Variants in PPEF2 observed in about 807,000 individuals in gnomAD.
PPEF2 encodes protein phosphatase with EF-hand domain 2.
PPEF2 carries 84 observed loss-of-function variants against 84.7 expected under a neutral mutation model. The ratio of observed to expected loss-of-function variants is 0.99; its 90% CI spans 0.83 to 1.19. PPEF2 has a LOEUF of 1.19. Among genes scored for constraint, PPEF2 ranks in the 50% most tolerant of loss-of-function variants. The pLI is 0.00. For synonymous variants in PPEF2, 346 were observed against 345.2 expected, an observed-to-expected ratio of 1.00 and a Z score of -0.03; for missense variants, 924 against 937.5, an observed-to-expected ratio of 0.99 and a Z score of 0.19.
At position 75,872,108 on chromosome 4, in the gene PPEF2, A is replaced by G; in HGVS notation, c.1566T>C (p.Tyr522=). The change falls in exon 13 of 17, where the codon TAT becomes TAC. Residue 522 remains tyrosine, a synonymous_variant. Transcript: ENST00000286719. ...GGGTCAGGGCTGGCCCCAGTTTGAC[A>G]TAGGCCCCTCTGTTGCTGCCAACTT... ...YYEVGSNRGA[Y]VKLGPALTPH... The G allele has an allele frequency of 6.2e-7, 1 of 1,613,866 alleles. No individual in the cohort carries two copies. Among genetic ancestry groups the G allele is most frequent in the Non-Finnish European group, 8.5e-7 (1 of 1,179,808 alleles).
rs1724892963 is a variant in PPEF2, at chr4:75,891,841, C to T, written c.183+10G>A. On this transcript the variant is annotated intron_variant, in intron 3 of 16. Transcript: ENST00000286719. ...AGCAGGAGGCGGCTCCGTCCCACATCTCATTGTACCTTGACTTGGTCTTGC... is the reference window on the plus strand; with the variant it reads ...AGCAGGAGGCGGCTCCGTCCCACATTTCATTGTACCTTGACTTGGTCTTGC... 1 of 1,606,548 alleles carries T rather than the reference C, an allele frequency of 6.2e-7. No homozygotes were observed. The highest frequency in any genetic ancestry group is 8.5e-7 in the Non-Finnish European group (1 of 1,173,612).
chr4:75,878,605 A>G, intron 10 of PPEF2, among the ~76,000 whole-genome samples: 1 of 152,226 alleles, frequency 6.6e-6, no homozygotes, highest in Admixed American at 6.5e-5. Context: ...AGAATAGAAC[A>G]GAGCTTATTA....
chr4:75,866,078 T>A (rs1724122713), intron 15 of PPEF2, 111 bp downstream of exon 15: 1 of 1,230,780 alleles, frequency 8.1e-7, no homozygotes, highest in Admixed American at 2.4e-5. Context: ...TTCCCCTTTC[T>A]CACCCATCCA....
At chr4:75,883,108 A>C (rs1724620294) in intron 9 of PPEF2, 33 bp from the exon 10 acceptor site, 3 of 1,613,600 alleles carry the variant, frequency 1.9e-6, no homozygotes, top group African/African-American at 1.3e-5. Flanking sequence ...AATGTTATCA[A>C]ATAATTCACT....
At chr4:75,878,744 A>T (rs531576892) in intron 10 of PPEF2, among the ~76,000 whole-genome samples, 30 of 152,326 alleles carry the variant, frequency 2.0e-4, no homozygotes, top group Admixed American at 5.2e-4. Context: ...AGTGAGGGCC[A>T]GTCCACCAGT....
chr4:75,867,162 A>C (rs1724150310), intron 14 of PPEF2, 151 bp downstream of exon 14: 1 of 539,744 alleles, frequency 1.9e-6, no homozygotes, highest in Non-Finnish European at 3.3e-6. Context: ...AGAATAAATG[A>C]GACATTAAGT....
Position 75,883,000 on chromosome 4 carries a change from T to G in PPEF2, c.859A>C (p.Lys287Gln), listed in dbSNP as rs755829867. 5 of 1,614,068 alleles carry G rather than the reference T, an allele frequency of 3.1e-6. No individual in the cohort carries two copies. The highest frequency in any genetic ancestry group is 3.3e-5 in the Admixed American group (2 of 59,998). ...ACCCCACCATGAAGAATTAGAACTT[T>G]CTCATCTATCAGAGTGGCCAGTGGA... is the stretch of plus-strand genomic sequence containing the variant. ...WLPLATLIDE[K>Q]VLILHGGVSD... The change falls in exon 10 of 17, where the codon AAA (lysine) becomes CAA (glutamine). Residue 287 changes from lysine to glutamine, a missense_variant. By Grantham distance (53) the Lys-to-Gln change is moderately conservative. Transcript: ENST00000286719.
At chr4:75,884,127 T>G (rs1043862986) in intron 8 of PPEF2, among the ~76,000 whole-genome samples, 2 of 150,908 alleles carry the variant, frequency 1.3e-5, no homozygotes, top group Non-Finnish European at 2.9e-5. Flanking sequence ...TGAAACTCCA[T>G]CTCAAAAAAA....
chr4:75,900,874 C>T (rs1294836834), intron 1 of PPEF2, among the ~76,000 whole-genome samples: 2 of 151,952 alleles, frequency 1.3e-5, no homozygotes, highest in African/African-American at 2.4e-5. Flanking sequence ...ATGAAAACGG[C>T]CCCAAGATAT....
Position 75,860,303 on chromosome 4 carries a change from A to C in PPEF2, c.*364T>G. 3.4e-5 allele frequency: 8 copies of C among 232,682 alleles called. No individual in the cohort carries two copies. The highest frequency in any genetic ancestry group is 6.8e-5 in the South Asian group (1 of 14,672). 14.4% of individuals were successfully genotyped at this position (232,682 alleles called of 1,614,324 possible). A position where few individuals can be genotyped will look rare whatever the true frequency, so the allele number is the denominator to read the frequency against. Reference sequence around the variant, plus strand: ...TTTGCGGTGAGCCGAGATCGCGCCAATGCACTCCAGCCTGGGCAACAAGAG... The same window carrying C: ...TTTGCGGTGAGCCGAGATCGCGCCACTGCACTCCAGCCTGGGCAACAAGAG... On this transcript the variant is annotated 3_prime_UTR_variant, in exon 17 of 17. Coordinates refer to ENST00000286719, the MANE Select transcript of PPEF2 (RefSeq NM_006239.3).
intron 2 of PPEF2, among the ~76,000 whole-genome samples, chr4:75,893,060 G>A (rs1182228173): frequency 1.3e-5 from 2 of 152,224 alleles, no homozygotes; most frequent in South Asian, 2.1e-4. Context: ...CATGGGAAAA[G>A]AGAAGCTGGG....
chr4:75,892,442 G>A (rs1290553860), intron 2 of PPEF2, among the ~76,000 whole-genome samples: 1 of 152,168 alleles, frequency 6.6e-6, no homozygotes, highest in Non-Finnish European at 1.5e-5. Flanking sequence ...GACAAGCTCT[G>A]TGGTTTCAGA....
rs778005210 is a variant in PPEF2, at chr4:75,884,704, T to A, written c.636A>T (p.Arg212=). The A allele has an allele frequency of 6.8e-6, 11 of 1,613,154 alleles. No homozygotes were observed. The highest frequency in any genetic ancestry group is 2.7e-5 in the African/African-American group (2 of 74,872). Residue 212 remains arginine (R), a synonymous_variant, in exon 8 of 17, where the codon CGA becomes CGT. Transcript: ENST00000286719. ...TCAGGATCTCTACTGAATCCTTGCC[T>A]CGATCCACAAAGTCACCGTTGAACA... is the stretch of plus-strand genomic sequence containing the variant. The part of the protein sequence containing the change: ...SYVFNGDFVD[R]GKDSVEILMI...
At chr4:75,861,879 G>C (rs1724012668) in intron 16 of PPEF2, among the ~76,000 whole-genome samples, 1 of 149,604 alleles carries the variant, frequency 6.7e-6, no homozygotes, top group South Asian at 2.2e-4. Flanking sequence ...AAAGTGCTGG[G>C]ATTACAGGCG....
chr4:75,884,438 AT>A (rs201253344), intron 8 of PPEF2, among the ~76,000 whole-genome samples, 155 bp downstream of exon 8: 4,444 of 150,660 alleles, frequency 0.029, 241 homozygotes, highest in African/African-American at 0.1. Context: ...AAAAAAAAAA[AT>A]TTTTTTTTGA....
chr4:75,883,355 G>A (rs4241573), intron 8 of PPEF2, 153 bp from the exon 9 acceptor site: 638,088 of 670,108 alleles, frequency 0.95, 308,857 homozygotes, highest in East Asian at 1. Context: ...TTAAAACTAT[G>A]TCATTATCCC....
chr4:75,882,664 A>C (rs1724607591), intron 10 of PPEF2: 1 of 318,286 alleles, frequency 3.1e-6, no homozygotes, highest in Admixed American at 4.5e-5. Context: ...CTCCCAGCTA[A>C]GTTTTTAATT....
At chr4:75,870,907 T>TTTATTTATTTATTTA (rs1724254965) in intron 13 of PPEF2, among the ~76,000 whole-genome samples, 3 of 11,160 alleles carry the variant, frequency 2.7e-4, no homozygotes, top group Non-Finnish European at 4.7e-4. Context: ...TTATTTATTT[T>TTTATTTATTTATTTA]TATTTTACTT....
intron 1 of PPEF2, among the ~76,000 whole-genome samples, chr4:75,896,996 C>T (rs1186628739): frequency 1.3e-5 from 2 of 151,780 alleles, no homozygotes; most frequent in Admixed American, 1.3e-4. Flanking sequence ...GCCATTCTCA[C>T]CCCCTCAGCC....
Sources: allele counts gnomAD v4.1 joint callset (sites outside exome capture counted in the v4.1 genomes callset), GRCh38; gene constraint gnomAD v4.1.1; transcripts MANE v1.5; gene names NCBI Gene and HGNC (gene_info 2026-07-23, HGNC 2026-07-21).